The following ATXN7 variants were observed in gnomAD, a reference collection of about 807,000 sequenced individuals.
ATXN7 encodes the protein ataxin-7.
A neutral mutation model predicts 70.5 loss-of-function variants in ATXN7; 12 were observed. That is an observed-to-expected ratio of 0.17 (90% confidence interval 0.11 to 0.28). The LOEUF (loss-of-function observed/expected upper bound fraction) is 0.28. ATXN7 is among the 10% of genes least tolerant of loss of function. ATXN7 has a pLI of 1.00. For synonymous variants in ATXN7, 498 were observed against 448.7 expected, an observed-to-expected ratio of 1.11 and a Z score of -1.39; for missense variants, 1,256 against 1,131.7, an observed-to-expected ratio of 1.11 and a Z score of -1.58.
rs1484354148 is a variant in ATXN7, at chr3:63,991,229, CAACTT to C, written c.1682+373_1682+377del. Among the ~76,000 whole-genome samples the C allele has an allele frequency of 2.0e-5, 3 of 152,044 alleles. No homozygotes were observed. In the East Asian group the frequency reaches 5.8e-4, roughly 29 times the overall value. The stretch of plus-strand genomic sequence containing the variant: ...TAGTGAGAGCCAACTATACACCAAA[CAACTT>C]AAATATACTTAACATTCACAATTCT... On this transcript the variant is annotated intron_variant, in intron 11 of 12. Coordinates refer to ENST00000674280, the MANE Select transcript of ATXN7 (RefSeq NM_001377405.1).
chr3:63,897,573 C>T (rs927361510), intron 1 of ATXN7, among the ~76,000 whole-genome samples: 5 of 152,160 alleles, frequency 3.3e-5, no homozygotes, highest in Admixed American at 2.0e-4. Context: ...AGCACTATTA[C>T]CTCCTCCACA....
At chr3:63,899,699 C>T (rs1418666686) in intron 2 of ATXN7, among the ~76,000 whole-genome samples, 3 of 152,052 alleles carry the variant, frequency 2.0e-5, no homozygotes, top group Non-Finnish European at 2.9e-5. Flanking sequence ...CTGCAAGCTC[C>T]GCCTCCTGGG....
intron 4 of ATXN7, among the ~76,000 whole-genome samples, chr3:63,919,706 C>T (rs1010890082): frequency 3.3e-5 from 5 of 149,260 alleles, no homozygotes; most frequent in South Asian, 2.1e-4. Context: ...CCCATTAACT[C>T]GTCATTTAGC....
intron 8 of ATXN7, among the ~76,000 whole-genome samples, chr3:63,983,547 CAGA>C: frequency 6.6e-6 from 1 of 151,588 alleles, no homozygotes. Flanking sequence ...GAGGCTGAGG[CAGA>C]AGGATTGCTT....
intron 2 of ATXN7, among the ~76,000 whole-genome samples, chr3:63,910,284 C>T (rs1458249216): frequency 6.6e-6 from 1 of 152,174 alleles, no homozygotes; most frequent in African/African-American, 2.4e-5. Context: ...TTTTTGTTCT[C>T]ACTCTGTAGT....
rs145784423 is a variant in ATXN7 at position 63,881,784 on chromosome 3, A to G, written c.-110-16615A>G. On this transcript the variant is annotated intron_variant, in intron 1 of 12. Transcript: ENST00000674280. Reference sequence around the variant, plus strand: ...ATTACAGGCGTGAGCCACTGCACCCAGCCGCTTGATTGGAGCATTCTACAG... The same window carrying G: ...ATTACAGGCGTGAGCCACTGCACCCGGCCGCTTGATTGGAGCATTCTACAG... Among the ~76,000 whole-genome samples the G allele has an allele frequency of 5.8e-3, 886 of 152,270 alleles. 7 individuals are homozygous for G. Among genetic ancestry groups the G allele is most frequent in the African/African-American group, 0.02 (821 of 41,560 alleles).
At chr3:63,990,440 G>T (rs2075651454) in intron 10 of ATXN7, 66 bp downstream of exon 10, 32 of 1,574,786 alleles carry the variant, frequency 2.0e-5, no homozygotes, top group Admixed American at 1.2e-4. Context: ...CTGCAGGGGG[G>T]CGCGCCAGGG....
rs869110728 is a variant in ATXN7, at chr3:64,003,229, T to TTTTTTTTA, written c.*3762_*3763insTTTTTTTA. 7.6e-6 allele frequency: 1 copy of TTTTTTTTA among 131,460 alleles called. No homozygotes were observed. Among genetic ancestry groups the TTTTTTTTA allele is most frequent in the Non-Finnish European group, 1.6e-5 (1 of 63,536 alleles). The allele number at this position is 131,460 out of a possible 1,614,324, so 8.1% of individuals were successfully genotyped here. Reference sequence around the variant, plus strand: ...GCTTTTTTTTTTTTTTTTTTTTTTTTGAGCTTGGTTATAAAAGCAATCTCC... The same window carrying TTTTTTTTA: ...GCTTTTTTTTTTTTTTTTTTTTTTTTTTTTTTTAGAGCTTGGTTATAAAAGCAATCTCC... On this transcript the variant is annotated 3_prime_UTR_variant, in exon 13 of 13. Transcript: ENST00000674280.
intron 1 of ATXN7, among the ~76,000 whole-genome samples, chr3:63,895,971 A>G (rs929035963): frequency 1.1e-4 from 17 of 152,174 alleles, no homozygotes; most frequent in South Asian, 4.1e-4. Context: ...GCCTCCACCA[A>G]ACTAGACCCT....
chr3:63,971,596 G>A (rs542011551), intron 5 of ATXN7, among the ~76,000 whole-genome samples: 5 of 152,128 alleles, frequency 3.3e-5, no homozygotes, highest in African/African-American at 1.2e-4. Flanking sequence ...TTAAATGCTC[G>A]ATGTTCATGT....
rs899572986 is a variant in ATXN7, at chr3:63,993,696, C to T, written c.1683-1809C>T. ...TTCTAAGAGGAACTTGTGATTGCCT[C>T]CCGGAGAGATCCACATCCTTCCCTG... On this transcript the variant is annotated intron_variant, in intron 11 of 12. Transcript: ENST00000674280. 1.4e-4 allele frequency among the ~76,000 whole-genome samples: 22 copies of T among 152,244 alleles called. No individual in the cohort carries two copies. In the East Asian group the frequency reaches 4.1e-3, roughly 28 times the overall value.
chr3:63,921,935 G>A (rs1275212422), intron 4 of ATXN7, among the ~76,000 whole-genome samples: 1 of 152,212 alleles, frequency 6.6e-6, no homozygotes, highest in African/African-American at 2.4e-5. Flanking sequence ...AAAGTGAAAT[G>A]CCAGTTTTGC....
At chr3:63,953,325 G>A (rs1031495956) in intron 5 of ATXN7, among the ~76,000 whole-genome samples, 1 of 152,186 alleles carries the variant, frequency 6.6e-6, no homozygotes, top group Non-Finnish European at 1.5e-5. Context: ...TCTAGAATAA[G>A]AGCGTTTGAT....
chr3:63,897,377 G>A (rs541234875), intron 1 of ATXN7, among the ~76,000 whole-genome samples: 32 of 152,228 alleles, frequency 2.1e-4, no homozygotes, highest in Non-Finnish European at 2.8e-4. Flanking sequence ...AAAGGGAGAG[G>A]GAAGCAGTAT....
chr3:64,000,819 GA>G lies in ATXN7; in HGVS notation c.*1355del, dbSNP rs1390554923. ...TAGTACCCCACCCCCCACCCCTAAA[GA>G]AAGACCTTAATATGTTAAAACAGCA... On this transcript the variant is annotated 3_prime_UTR_variant, in exon 13 of 13. Transcript: ENST00000674280. 8.4e-6 allele frequency: 1 copy of G among 119,178 alleles called. No individual in the cohort carries two copies. The allele number at this position is 119,178 out of a possible 1,614,324, so 7.4% of individuals were successfully genotyped here.
At chr3:63,988,764 C>G (rs889525373) in intron 9 of ATXN7, among the ~76,000 whole-genome samples, 1 of 152,182 alleles carries the variant, frequency 6.6e-6, no homozygotes, top group African/African-American at 2.4e-5. Flanking sequence ...TGTTTTCATT[C>G]ATTCATTTGG....
chr3:63,956,068 A>G (rs538623733), intron 5 of ATXN7, among the ~76,000 whole-genome samples: 13 of 152,324 alleles, frequency 8.5e-5, no homozygotes, highest in African/African-American at 2.9e-4. Context: ...ATGATGGTGA[A>G]TGATTGTGCT....
At chr3:63,997,668 C>G (rs1192353818) in intron 12 of ATXN7, 1 of 1,552,228 alleles carries the variant, frequency 6.4e-7, no homozygotes, top group Admixed American at 2.0e-5. Flanking sequence ...CAACATCACC[C>G]CAGAGCCCTG....
intron 1 of ATXN7, among the ~76,000 whole-genome samples, chr3:63,887,881 C>CTT (rs767232389): frequency 3.0e-5 from 4 of 132,974 alleles, no homozygotes; most frequent in Non-Finnish European, 3.3e-5. Flanking sequence ...CCTCTGTCTT[C>CTT]TTTTTTTTTT....
Sources: gnomAD v4.1 joint callset for allele counts (sites outside exome capture counted in the v4.1 genomes callset) on GRCh38, gnomAD v4.1.1 for gene constraint, MANE v1.5 for transcripts, NCBI Gene and HGNC (gene_info 2026-07-23, HGNC 2026-07-21) for gene names.